The following AUTS2 variants were observed in gnomAD, a reference collection of about 807,000 sequenced individuals.
AUTS2 encodes autism susceptibility gene 2 protein.
A neutral mutation model predicts 112.4 loss-of-function variants in AUTS2; 17 were observed. The ratio of observed to expected loss-of-function variants is 0.15; its 90% CI spans 0.10 to 0.23. AUTS2 has a LOEUF of 0.23. Ranked by LOEUF, AUTS2 falls within the 10% of genes least tolerant of loss-of-function variation. The probability of loss-of-function intolerance (pLI) is 1.00; values close to 1 mark genes in which losing one functional copy is unlikely to be tolerated. For missense variants in AUTS2, 1,510 were observed against 1,701.6 expected, an observed-to-expected ratio of 0.89 and a Z score of 1.98; for synonymous variants, 751 against 702.7, an observed-to-expected ratio of 1.07 and a Z score of -1.09.
chr7:70,216,954 G>T (rs941594481), intron 4 of AUTS2, among the ~76,000 whole-genome samples: 2 of 152,116 alleles, frequency 1.3e-5, no homozygotes, highest in African/African-American at 4.8e-5. Flanking sequence ...CTGTCACCCA[G>T]GCTGGAGTGC....
At chr7:69,661,237 A>G (rs1011713145) in intron 1 of AUTS2, among the ~76,000 whole-genome samples, 14 of 152,232 alleles carry the variant, frequency 9.2e-5, no homozygotes, top group African/African-American at 3.1e-4. Context: ...ATTTTCTTGA[A>G]GGTGATGAAC....
chr7:70,478,433 G>A (rs1490073454), intron 5 of AUTS2, among the ~76,000 whole-genome samples: 1 of 152,034 alleles, frequency 6.6e-6, no homozygotes, highest in Non-Finnish European at 1.5e-5. Flanking sequence ...ATACTCAGGG[G>A]GTGAGAATCC....
chr7:70,101,307 A>G (rs1312632135), intron 2 of AUTS2, among the ~76,000 whole-genome samples: 1 of 151,874 alleles, frequency 6.6e-6, no homozygotes. Flanking sequence ...TTTCTATAAA[A>G]CCAAATTCTT....
chr7:70,116,700 C>A (rs1036115911), intron 2 of AUTS2, among the ~76,000 whole-genome samples: 8 of 152,184 alleles, frequency 5.3e-5, no homozygotes, highest in African/African-American at 1.9e-4. Context: ...TGCTTTTCTC[C>A]TCAATGGAGT....
intron 5 of AUTS2, among the ~76,000 whole-genome samples, chr7:70,581,224 A>G (rs1802422283): frequency 1.3e-5 from 2 of 152,174 alleles, no homozygotes; most frequent in South Asian, 4.2e-4. Flanking sequence ...TCTCTACTAA[A>G]AATACAAAAA....
At chr7:70,377,374 A>ATATATATATG (rs1793156874) in intron 4 of AUTS2, among the ~76,000 whole-genome samples, 2 of 102,276 alleles carry the variant, frequency 2.0e-5, no homozygotes, top group African/African-American at 7.2e-5. Context: ...ATATATATAT[A>ATATATATATG]GTGATATATA....
At position 70,022,859 on chromosome 7, in the gene AUTS2, A is replaced by T. The variant is rs997488811; in HGVS notation, c.523-95273A>T. On this transcript the variant is annotated intron_variant, in intron 2 of 18. Transcript: ENST00000342771. The stretch of plus-strand genomic sequence containing the variant: ...GATACCATCTTTTTGAATTAAATTA[A>T]TTTTTTTTTTTAAATAAGGTCTTGC... Among the ~76,000 whole-genome samples, 14 of 150,046 alleles carry T rather than the reference A, an allele frequency of 9.3e-5. No homozygotes were observed. In the East Asian group the frequency reaches 2.5e-3, roughly 27 times the overall value.
At chr7:70,130,086 C>G (rs551178291) in intron 3 of AUTS2, among the ~76,000 whole-genome samples, 1 of 152,198 alleles carries the variant, frequency 6.6e-6, no homozygotes, top group East Asian at 1.9e-4. Flanking sequence ...GGTCCTTCTC[C>G]TTTTTACTCC....
chr7:70,537,003 C>G (rs890844703), intron 5 of AUTS2, among the ~76,000 whole-genome samples: 3 of 152,210 alleles, frequency 2.0e-5, no homozygotes, highest in African/African-American at 7.2e-5. Flanking sequence ...AGCTAGCTCT[C>G]TGGTCCCCAG....
intron 3 of AUTS2, among the ~76,000 whole-genome samples, chr7:70,127,642 A>T: frequency 6.6e-6 from 1 of 152,226 alleles, no homozygotes; most frequent in Admixed American, 6.5e-5. Context: ...ACAGAAAAAT[A>T]TTTAACACCT....
At chr7:69,732,049 A>G (rs935536752) in intron 1 of AUTS2, among the ~76,000 whole-genome samples, 1 of 151,762 alleles carries the variant, frequency 6.6e-6, no homozygotes, top group African/African-American at 2.4e-5. Context: ...ATCACAGTAG[A>G]TGCTGTAAGG....
intron 4 of AUTS2, among the ~76,000 whole-genome samples, chr7:70,235,608 A>G (rs1812283355): frequency 6.6e-6 from 1 of 151,834 alleles, no homozygotes; most frequent in Admixed American, 6.6e-5. Flanking sequence ...TAGATATGAA[A>G]GCAGGATACC....
chr7:70,175,063 C>A (rs1808911083), intron 4 of AUTS2, among the ~76,000 whole-genome samples: 1 of 152,138 alleles, frequency 6.6e-6, no homozygotes, highest in Non-Finnish European at 1.5e-5. Context: ...GCAAAGGATT[C>A]CCCATTCTAG....
intron 5 of AUTS2, among the ~76,000 whole-genome samples, chr7:70,651,503 C>T (rs1323508306): frequency 6.6e-6 from 1 of 152,176 alleles, no homozygotes; most frequent in African/African-American, 2.4e-5. Context: ...GCCCAGCCCC[C>T]CTTAAACACG....
rs762324173 is a variant in AUTS2 at position 70,789,895 on chromosome 7, G to A, written c.2679G>A (p.Arg893=). ...GGGAGAAGGACAAACCCAAAGAGAGGGAGAGAGACCACTCGGAATCCCGCA... is the reference window on the plus strand; with the variant it reads ...GGGAGAAGGACAAACCCAAAGAGAGAGAGAGAGACCACTCGGAATCCCGCA... The part of the protein sequence containing the change: ...EAREKDKPKE[R]ERDHSESRKD... Residue 893 remains arginine, a synonymous_variant, in exon 19 of 19, where the codon AGG becomes AGA. Coordinates refer to ENST00000342771, the MANE Select transcript of AUTS2 (RefSeq NM_015570.4). 3.1e-6 allele frequency: 5 copies of A among 1,614,018 alleles called. No homozygotes were observed. Among genetic ancestry groups the A allele is most frequent in the African/African-American group, 2.7e-5 (2 of 74,908 alleles).
intron 1 of AUTS2, among the ~76,000 whole-genome samples, chr7:69,605,031 G>T (rs1792633379): frequency 6.6e-6 from 1 of 152,236 alleles, no homozygotes; most frequent in South Asian, 2.1e-4. Flanking sequence ...AAAGTCTATT[G>T]TGTGAATGTG....
chr7:69,891,815 A>G (rs1209067383), intron 1 of AUTS2, among the ~76,000 whole-genome samples: 13 of 25,376 alleles, frequency 5.1e-4, no homozygotes, highest in African/African-American at 1.5e-3. Flanking sequence ...TTTTTTTGAG[A>G]TGGAGTATCT....
chr7:70,629,202 G>A (rs1049290619), intron 5 of AUTS2, among the ~76,000 whole-genome samples: 1 of 152,188 alleles, frequency 6.6e-6, no homozygotes, highest in African/African-American at 2.4e-5. Flanking sequence ...CAGGCATGGT[G>A]GCTCACGCCT....
intron 5 of AUTS2, among the ~76,000 whole-genome samples, chr7:70,561,283 C>T (rs1189669118): frequency 2.0e-5 from 3 of 152,126 alleles, no homozygotes; most frequent in East Asian, 1.9e-4. Flanking sequence ...CTGTACCAGT[C>T]GAGATGCTTT....
Sources: gnomAD v4.1 joint callset for allele counts (sites outside exome capture counted in the v4.1 genomes callset) on GRCh38, gnomAD v4.1.1 for gene constraint, MANE v1.5 for transcripts, NCBI Gene and HGNC (gene_info 2026-07-23, HGNC 2026-07-21) for gene names.